The following DNAJB14 variants were observed in gnomAD, a reference collection of about 807,000 sequenced individuals.
DNAJB14 encodes the protein DnaJ heat shock protein family (Hsp40) member B14, also known as dnaJ homolog subfamily B member 14.
A neutral mutation model predicts 48.4 loss-of-function variants in DNAJB14; 22 were observed. That is an observed-to-expected ratio of 0.45 (90% CI 0.32 to 0.65). The LOEUF is 0.65. Among genes scored for constraint, DNAJB14 ranks in the 30% least tolerant of loss-of-function variants. The probability of loss-of-function intolerance (pLI) is 0.03; values close to 1 mark genes in which losing one functional copy is unlikely to be tolerated. For synonymous variants in DNAJB14, 142 were observed against 158.7 expected, an observed-to-expected ratio of 0.89 and a Z score of 0.79; for missense variants, 319 against 458.8, an observed-to-expected ratio of 0.70 and a Z score of 2.78.
chr4:99,903,622 T>C lies in DNAJB14; in HGVS notation c.1015+104A>G, dbSNP rs1725367862. 2.4e-6 allele frequency: 3 copies of C among 1,231,738 alleles called. No homozygotes were observed. In the East Asian group the frequency reaches 7.3e-5, roughly 30 times the overall value. The allele number at this position is 1,231,738 out of a possible 1,614,324, so 76.3% of individuals were successfully genotyped here. A position where few individuals can be genotyped will look rare whatever the true frequency, so the allele number is the denominator to read the frequency against. ...TCATTTAAGTACTGTGCTCCAATTA[T>C]GTGCCAGGGAATTCCAGAACATTCC... On this transcript the variant is annotated intron_variant, in intron 7 of 7. Transcript: ENST00000442697.
intron 3 of DNAJB14, chr4:99,910,237 G>A (rs1011014112): frequency 6.6e-6 from 1 of 152,048 alleles, no homozygotes; most frequent in Non-Finnish European, 1.5e-5. Context: ...CCATCTATCT[G>A]AGGAGATACT....
At position 99,897,413 on chromosome 4, in the gene DNAJB14, T is replaced by C. The variant is rs1359946351; in HGVS notation, c.*3615A>G. 1.3e-5 allele frequency: 2 copies of C among 151,840 alleles called. No individual in the cohort carries two copies. The highest frequency in any genetic ancestry group is 1.3e-4 in the Admixed American group (2 of 15,236). The allele number at this position is 151,840 out of a possible 1,614,324, so 9.4% of individuals were successfully genotyped here. On this transcript the variant is annotated 3_prime_UTR_variant, in exon 8 of 8. Coordinates refer to ENST00000442697, the MANE Select transcript of DNAJB14 (RefSeq NM_001031723.4). ...AATTAATGTTTTGAGGAAAAGTGTT[T>C]CCATTTATATGAAAGTATCTATTTA...
chr4:99,923,230 G>A (rs778517487), intron 2 of DNAJB14, 45 bp from the exon 3 acceptor site: 7 of 1,519,764 alleles, frequency 4.6e-6, no homozygotes, highest in African/African-American at 2.8e-5. Flanking sequence ...CAAGGAAGAC[G>A]GTCATGTAAT....
intron 1 of DNAJB14, among the ~76,000 whole-genome samples, chr4:99,933,872 T>G (rs1283511092): frequency 1.3e-5 from 2 of 152,144 alleles, no homozygotes; most frequent in East Asian, 1.9e-4. Flanking sequence ...CAGGGGCATT[T>G]GCCAGCCCAC....
chr4:99,905,008 TTTC>T (rs1418029981), intron 6 of DNAJB14, among the ~76,000 whole-genome samples: 2 of 152,052 alleles, frequency 1.3e-5, no homozygotes, highest in Admixed American at 6.6e-5. Flanking sequence ...TTTATTATTT[TTTC>T]TTTATATGCT....
At chr4:99,945,480 C>T (rs1578244781) in intron 1 of DNAJB14, among the ~76,000 whole-genome samples, 1 of 152,190 alleles carries the variant, frequency 6.6e-6, no homozygotes, top group East Asian at 1.9e-4. Flanking sequence ...CGGTTAAAGG[C>T]CTTTTCGAGT....
At chr4:99,904,100 A>G (rs1018441136) in intron 6 of DNAJB14, among the ~76,000 whole-genome samples, 1 of 152,140 alleles carries the variant, frequency 6.6e-6, no homozygotes, top group Non-Finnish European at 1.5e-5. Flanking sequence ...GCACAAGTGA[A>G]AAATTCCAAA....
At chr4:99,938,159 C>A (rs535998741) in intron 1 of DNAJB14, among the ~76,000 whole-genome samples, 12 of 144,304 alleles carry the variant, frequency 8.3e-5, no homozygotes, top group African/African-American at 2.8e-4. Flanking sequence ...GCCTGTAATC[C>A]CAGCTACTTG....
At chr4:99,941,901 G>T (rs1237821129) in intron 1 of DNAJB14, among the ~76,000 whole-genome samples, 1 of 152,014 alleles carries the variant, frequency 6.6e-6, no homozygotes, top group African/African-American at 2.4e-5. Flanking sequence ...ACTTCAGTTG[G>T]TGCTATAGAA....
At chr4:99,926,877 C>T (rs1247703589) in intron 2 of DNAJB14, 1 of 152,118 alleles carries the variant, frequency 6.6e-6, no homozygotes, top group African/African-American at 2.4e-5. Context: ...CCAGAAGTTA[C>T]AGTCATCATC....
chr4:99,941,276 CAGA>C (rs1377917569), intron 1 of DNAJB14, among the ~76,000 whole-genome samples: 1 of 152,078 alleles, frequency 6.6e-6, no homozygotes, highest in Non-Finnish European at 1.5e-5. Context: ...GTCAGCAAGG[CAGA>C]AGAACTAAAT....
chr4:99,924,615 C>T (rs1400121512), intron 2 of DNAJB14: 19 of 966,342 alleles, frequency 2.0e-5, no homozygotes, highest in South Asian at 1.9e-4. Context: ...CTAACTATGC[C>T]CAGACAGTGT....
In DNAJB14 at chr4:99,898,637, TGCTG is replaced by T. The variant is rs1725200438; in HGVS notation, c.*2387_*2390del. On this transcript the variant is annotated 3_prime_UTR_variant, in exon 8 of 8. Transcript: ENST00000442697. Reference sequence around the variant, plus strand: ...AATGTAAAGCATTAATAAATATAAGTGCTGCTAAACTGTTAGAATACCAGTTAGA... The same window carrying T: ...AATGTAAAGCATTAATAAATATAAGTCTAAACTGTTAGAATACCAGTTAGA... The T allele has an allele frequency of 6.6e-6, 1 of 151,946 alleles. No individual in the cohort carries two copies. Among genetic ancestry groups the T allele is most frequent in the African/African-American group, 2.4e-5 (1 of 41,426 alleles). 9.4% of individuals were successfully genotyped at this position (151,946 alleles called of 1,614,324 possible).
chr4:99,933,297 AAC>A (rs1226572765), intron 1 of DNAJB14, among the ~76,000 whole-genome samples: 1 of 149,022 alleles, frequency 6.7e-6, no homozygotes, highest in Non-Finnish European at 1.5e-5. Context: ...ATATAACATA[AAC>A]AGTCTTTTTT....
intron 1 of DNAJB14, chr4:99,942,597 A>G (rs1297337731): frequency 6.6e-6 from 1 of 152,142 alleles, no homozygotes; most frequent in Non-Finnish European, 1.5e-5. Context: ...GTCCACTGCA[A>G]TAAGTAAACT....
At chr4:99,901,989 C>T (rs1011167242) in intron 7 of DNAJB14, among the ~76,000 whole-genome samples, 2 of 152,122 alleles carry the variant, frequency 1.3e-5, no homozygotes, top group African/African-American at 4.8e-5. Context: ...TAAAGATCTC[C>T]AGAAATAATC....
At chr4:99,943,221 CAG>C (rs1726943684) in intron 1 of DNAJB14, among the ~76,000 whole-genome samples, 1 of 152,140 alleles carries the variant, frequency 6.6e-6, no homozygotes, top group Non-Finnish European at 1.5e-5. Flanking sequence ...AAAAAGGAGT[CAG>C]AGAAAACATC....
intron 3 of DNAJB14, among the ~76,000 whole-genome samples, chr4:99,917,228 C>A (rs1421022388): frequency 6.6e-6 from 1 of 152,214 alleles, no homozygotes; most frequent in East Asian, 1.9e-4. Context: ...AAATATCAAA[C>A]ATAATTTAGA....
Position 99,900,249 on chromosome 4 carries a change from A to G in DNAJB14, c.*779T>C, listed in dbSNP as rs1185134096. On this transcript the variant is annotated 3_prime_UTR_variant, in exon 8 of 8. Coordinates refer to ENST00000442697, the MANE Select transcript of DNAJB14 (RefSeq NM_001031723.4). ...TTAAAGTATTGGAATTTTAAATGAC[A>G]TAACTGCACTTTACTGTTGAAGACC... is the stretch of plus-strand genomic sequence containing the variant. 1 of 152,152 alleles carries G rather than the reference A, an allele frequency of 6.6e-6. No individual in the cohort carries two copies. Among genetic ancestry groups the G allele is most frequent in the East Asian group, 1.9e-4 (1 of 5,196 alleles). The allele number at this position is 152,152 out of a possible 1,614,324, so 9.4% of individuals were successfully genotyped here.
Sources: gnomAD v4.1 joint callset for allele counts (sites outside exome capture counted in the v4.1 genomes callset) on GRCh38, gnomAD v4.1.1 for gene constraint, MANE v1.5 for transcripts, NCBI Gene and HGNC (gene_info 2026-07-23, HGNC 2026-07-21) for gene names.